The following MARCHF1 variants were observed in gnomAD, a reference collection of about 807,000 sequenced individuals.
The protein encoded by MARCHF1 is E3 ubiquitin-protein ligase MARCHF1.
Under a neutral mutation model 54.2 loss-of-function variants are expected in MARCHF1, and 40 were observed. The observed-to-expected ratio is 0.74, with a 90% CI of 0.57 to 0.96. The LOEUF is 0.96. MARCHF1 is among the 40% of genes least tolerant of loss of function. The probability of loss-of-function intolerance (pLI) is 0.00; values close to 1 mark genes in which losing one functional copy is unlikely to be tolerated. For synonymous variants in MARCHF1, 236 were observed against 236.3 expected, an observed-to-expected ratio of 1.00 and a Z score of 0.01; for missense variants, 586 against 656.5, an observed-to-expected ratio of 0.89 and a Z score of 1.17.
At chr4:163,569,483 T>C (rs1423289316) in intron 8 of MARCHF1, among the ~76,000 whole-genome samples, 1 of 152,178 alleles carries the variant, frequency 6.6e-6, no homozygotes, top group African/African-American at 2.4e-5. Context: ...GTAAACATAC[T>C]AATAGTTCAT....
rs533262843 is a variant in MARCHF1 at position 163,526,211 on chromosome 4, T to C, written c.*2537A>G. The C allele has an allele frequency of 6.6e-6, 1 of 152,280 alleles. No individual in the cohort carries two copies. Among genetic ancestry groups the C allele is most frequent in the Non-Finnish European group, 1.5e-5 (1 of 67,994 alleles). 9.4% of individuals were successfully genotyped at this position (152,280 alleles called of 1,614,324 possible). ...CTTTGCTTTTTATTCTAGAAATGTT[T>C]TCTTAGTGTTAAAAGTGTAGCCCTT... On this transcript the variant is annotated 3_prime_UTR_variant, in exon 10 of 10. Coordinates refer to ENST00000514618, the MANE Select transcript of MARCHF1 (RefSeq NM_001394959.1).
At chr4:164,241,324 C>T (rs551321967) in intron 1 of MARCHF1, among the ~76,000 whole-genome samples, 1 of 152,316 alleles carries the variant, frequency 6.6e-6, no homozygotes, top group East Asian at 1.9e-4. Context: ...AGTCCTTCCA[C>T]TCAGCTGCCC....
chr4:163,892,143 G>A (rs1450810604), intron 3 of MARCHF1, among the ~76,000 whole-genome samples: 1 of 152,114 alleles, frequency 6.6e-6, no homozygotes, highest in Non-Finnish European at 1.5e-5. Flanking sequence ...CACATTTTAA[G>A]TTAACAAAGG....
At chr4:164,298,232 T>A (rs1281427316) in intron 1 of MARCHF1, among the ~76,000 whole-genome samples, 1 of 152,080 alleles carries the variant, frequency 6.6e-6, no homozygotes, top group African/African-American at 2.4e-5. Context: ...GTGGAACAAG[T>A]ACATAAAAAG....
At chr4:163,893,099 AC>A (rs1750697167) in intron 3 of MARCHF1, among the ~76,000 whole-genome samples, 4 of 151,252 alleles carry the variant, frequency 2.6e-5, no homozygotes, top group Admixed American at 2.6e-4. Context: ...CAGTAAACAA[AC>A]CTCCTTCCGC....
At chr4:163,847,839 C>T (rs888002111) in intron 4 of MARCHF1, among the ~76,000 whole-genome samples, 27 of 152,250 alleles carry the variant, frequency 1.8e-4, no homozygotes, top group African/African-American at 6.3e-4. Flanking sequence ...CCTCAGCCTC[C>T]CAAAATGCTG....
rs1221486050 is a variant in MARCHF1, at chr4:164,284,319, T to TGA, written c.-323+99549_-323+99550dup. ...AATGCAGTCCTTAAGCTAAAGAAAG[T>TGA]GAGAGAGAGAGAGACAGAGAGAGAG... On this transcript the variant is annotated intron_variant, in intron 1 of 9. Coordinates refer to ENST00000514618, the MANE Select transcript of MARCHF1 (RefSeq NM_001394959.1). Among the ~76,000 whole-genome samples, 631 of 126,134 alleles carry TGA rather than the reference T, an allele frequency of 5.0e-3. 12 individuals are homozygous for TGA. Among genetic ancestry groups the TGA allele is most frequent in the African/African-American group, 0.021 (598 of 29,136 alleles). 82.7% of individuals were successfully genotyped at this position (126,134 alleles called of 152,430 possible).
intron 1 of MARCHF1, among the ~76,000 whole-genome samples, chr4:164,179,095 C>T (rs572736318): frequency 2.6e-5 from 4 of 152,272 alleles, no homozygotes; most frequent in South Asian, 2.1e-4. Flanking sequence ...CATACTGTTG[C>T]TGACAGTTTT....
At chr4:163,967,230 G>A (rs1490968204) in intron 3 of MARCHF1, among the ~76,000 whole-genome samples, 1 of 152,080 alleles carries the variant, frequency 6.6e-6, no homozygotes, top group African/African-American at 2.4e-5. Context: ...GCAGAGGAGT[G>A]ATATTGTCAA....
chr4:163,913,493 G>T (rs1331295221), intron 3 of MARCHF1, among the ~76,000 whole-genome samples: 1 of 152,086 alleles, frequency 6.6e-6, no homozygotes, highest in Non-Finnish European at 1.5e-5. Flanking sequence ...AAAGACAGTT[G>T]CTATTTTCCC....
At chr4:164,175,629 T>C (rs760005973) in intron 1 of MARCHF1, among the ~76,000 whole-genome samples, 47 of 152,224 alleles carry the variant, frequency 3.1e-4, no homozygotes, top group South Asian at 1.9e-3. Flanking sequence ...CTCTGTAATG[T>C]AAGTAGACTT....
chr4:164,308,666 C>T (rs1245682600), intron 1 of MARCHF1, among the ~76,000 whole-genome samples: 1 of 151,888 alleles, frequency 6.6e-6, no homozygotes, highest in Admixed American at 6.6e-5. Context: ...TTGAAAACCT[C>T]TTAAAATAAT....
At chr4:164,345,582 A>AATC (rs1730068910) in intron 1 of MARCHF1, among the ~76,000 whole-genome samples, 1 of 42,778 alleles carries the variant, frequency 2.3e-5, no homozygotes, top group South Asian at 6.7e-4. Context: ...ACATAATAAT[A>AATC]ATAATAATAA....
chr4:163,536,946 A>ATT (rs1738556696), intron 9 of MARCHF1, among the ~76,000 whole-genome samples: 1 of 152,152 alleles, frequency 6.6e-6, no homozygotes, highest in South Asian at 2.1e-4. Context: ...CAATCCCCAC[A>ATT]TACAAAAGCC....
At chr4:164,229,562 G>A (rs916012172) in intron 1 of MARCHF1, among the ~76,000 whole-genome samples, 1 of 152,198 alleles carries the variant, frequency 6.6e-6, no homozygotes, top group African/African-American at 2.4e-5. Flanking sequence ...GCCACTGCAG[G>A]TGAGTTAGTC....
chr4:163,720,188 T>C (rs1561038023), intron 4 of MARCHF1, among the ~76,000 whole-genome samples: 1 of 152,264 alleles, frequency 6.6e-6, no homozygotes. Flanking sequence ...TTAATCCATC[T>C]TGAATTAATT....
intron 3 of MARCHF1, among the ~76,000 whole-genome samples, chr4:163,923,143 A>G (rs1301609059): frequency 6.6e-6 from 1 of 151,094 alleles, no homozygotes; most frequent in South Asian, 2.2e-4. Context: ...CAGGTAAAAA[A>G]TACTTTATGT....
intron 2 of MARCHF1, among the ~76,000 whole-genome samples, chr4:164,079,656 T>C (rs1468369340): frequency 6.6e-6 from 1 of 152,114 alleles, no homozygotes; most frequent in East Asian, 1.9e-4. Flanking sequence ...GTTTCCTAGG[T>C]ATTTATACTC....
intron 3 of MARCHF1, among the ~76,000 whole-genome samples, chr4:163,928,062 T>C (rs1441879699): frequency 6.6e-6 from 1 of 151,918 alleles, no homozygotes; most frequent in Non-Finnish European, 1.5e-5. Context: ...AGTTTACTCA[T>C]GTTAGAAAGG....
Sources: allele counts gnomAD v4.1 joint callset (sites outside exome capture counted in the v4.1 genomes callset), GRCh38; gene constraint gnomAD v4.1.1; transcripts MANE v1.5; gene names NCBI Gene and HGNC (gene_info 2026-07-23, HGNC 2026-07-21).